Variants in SLCO1A2 observed in about 807,000 individuals in gnomAD.
SLCO1A2 encodes the protein solute carrier organic anion transporter family member 1A2.
Under a neutral mutation model 69.0 loss-of-function variants are expected in SLCO1A2, and 67 were observed. The ratio of observed to expected loss-of-function variants is 0.97; its 90% confidence interval spans 0.80 to 1.19. The LOEUF is 1.19. Ranked by LOEUF, SLCO1A2 falls within the 50% of genes most tolerant of loss-of-function variation. The pLI, the probability that SLCO1A2 is intolerant of heterozygous loss-of-function variation, is 0.00. For missense variants in SLCO1A2, 787 were observed against 793.7 expected, an observed-to-expected ratio of 0.99 and a Z score of 0.10; for synonymous variants, 260 against 265.9, an observed-to-expected ratio of 0.98 and a Z score of 0.22.
chr12:21,410,254 G>A (rs995133808), intron 1 of SLCO1A2, among the ~76,000 whole-genome samples: 2 of 151,952 alleles, frequency 1.3e-5, no homozygotes, highest in East Asian at 3.9e-4. Context: ...ATATAGTTTT[G>A]CAATTGCATT....
chr12:21,374,792 CT>C (rs1180151557), intron 1 of SLCO1A2, among the ~76,000 whole-genome samples: 2 of 151,498 alleles, frequency 1.3e-5, no homozygotes, highest in African/African-American at 2.4e-5. Flanking sequence ...TTTACCCTCT[CT>C]TTTTTTTATT....
At chr12:21,310,672 G>A (rs1001578726) in intron 4 of SLCO1A2, among the ~76,000 whole-genome samples, 7 of 152,126 alleles carry the variant, frequency 4.6e-5, no homozygotes, top group Non-Finnish European at 5.9e-5. Context: ...GCACGATCTC[G>A]GCGCACTGCA....
chr12:21,343,009 G>A (rs917434164), intron 2 of SLCO1A2, among the ~76,000 whole-genome samples: 1 of 152,104 alleles, frequency 6.6e-6, no homozygotes, highest in Non-Finnish European at 1.5e-5. Flanking sequence ...ATCCAGGTGG[G>A]TATGTCCTGT....
intron 9 of SLCO1A2, among the ~76,000 whole-genome samples, chr12:21,296,073 G>T (rs917604798): frequency 6.6e-6 from 1 of 152,120 alleles, no homozygotes; most frequent in Non-Finnish European, 1.5e-5. Context: ...CAGAGATCAT[G>T]ATAAAAATCT....
At chr12:21,388,367 C>T (rs1443783456) in intron 1 of SLCO1A2, among the ~76,000 whole-genome samples, 1 of 152,098 alleles carries the variant, frequency 6.6e-6, no homozygotes, top group African/African-American at 2.4e-5. Flanking sequence ...CCCCATGTGT[C>T]ATGGAAGGGA....
chr12:21,284,503 A>G (rs963175138), intron 12 of SLCO1A2, among the ~76,000 whole-genome samples: 4 of 151,866 alleles, frequency 2.6e-5, no homozygotes, highest in Admixed American at 6.6e-5. Context: ...GCACCAAGCG[A>G]ACCTAATAGA....
upstream of SLCO1A2, among the ~76,000 whole-genome samples, chr12:21,395,660 A>C (rs1372394778): frequency 3.9e-5 from 6 of 152,302 alleles, no homozygotes; most frequent in African/African-American, 1.2e-4. Context: ...GTCTCCCAGC[A>C]CGCAGCTGGA....
intron 2 of SLCO1A2, among the ~76,000 whole-genome samples, chr12:21,331,371 G>A (rs555613682): frequency 6.6e-5 from 10 of 152,092 alleles, no homozygotes; most frequent in South Asian, 4.1e-4. Flanking sequence ...GAAACCAAGC[G>A]CATAATTTGT....
At chr12:21,285,721 T>C (rs1472781355) in intron 12 of SLCO1A2, among the ~76,000 whole-genome samples, 3 of 148,218 alleles carry the variant, frequency 2.0e-5, no homozygotes, top group African/African-American at 7.5e-5. Flanking sequence ...AATCAATAAA[T>C]GTAATCCAGC....
At chr12:21,368,576 T>C (rs1939560005) in intron 2 of SLCO1A2, among the ~76,000 whole-genome samples, 1 of 152,148 alleles carries the variant, frequency 6.6e-6, no homozygotes. Context: ...TTCAGAGCTA[T>C]GTTCTATAAA....
chr12:21,373,716 C>CG (rs769824646), intron 2 of SLCO1A2: 2 of 700,866 alleles, frequency 2.9e-6, no homozygotes, highest in South Asian at 3.0e-5. Context: ...GAACATGAAG[C>CG]GGGAAAAAAA....
chr12:21,400,962 G>A (rs899643038), intron 1 of SLCO1A2, among the ~76,000 whole-genome samples: 27 of 149,880 alleles, frequency 1.8e-4, no homozygotes, highest in African/African-American at 6.6e-4. Flanking sequence ...CACCAGCATG[G>A]CACATGTATA....
Position 21,304,487 on chromosome 12 carries a change from G to T in SLCO1A2, c.529C>A (p.Pro177Thr). Residue 177 changes from proline to threonine, a missense_variant, in exon 6 of 15, where the codon CCT becomes ACT. By Grantham distance (38) the Pro-to-Thr change is conservative. Transcript: ENST00000683939. ...TCTTCTATATAGGAAATACCCAAAG[G>T]CAGGATGGGAGTTTCACCCATTCCA... ...VRGMGETPIL[P>T]LGISYIEDFA... The T allele has an allele frequency of 6.2e-7, 1 of 1,611,958 alleles. No individual in the cohort carries two copies. The highest frequency in any genetic ancestry group is 8.5e-7 in the Non-Finnish European group (1 of 1,178,232).
At chr12:21,283,289 T>C (rs374183738) in intron 12 of SLCO1A2, among the ~76,000 whole-genome samples, 1 of 152,162 alleles carries the variant, frequency 6.6e-6, no homozygotes, top group Admixed American at 6.6e-5. Flanking sequence ...AACTCATTTT[T>C]GACAAAGATG....
chr12:21,309,004 A>T (rs1470526421), intron 4 of SLCO1A2, among the ~76,000 whole-genome samples: 1 of 152,226 alleles, frequency 6.6e-6, no homozygotes, highest in Non-Finnish European at 1.5e-5. Context: ...CAAAATTTAG[A>T]TGGGAAGAGA....
chr12:21,336,054 T>C (rs1269159935), upstream of SLCO1A2, among the ~76,000 whole-genome samples: 1 of 152,052 alleles, frequency 6.6e-6, no homozygotes, highest in Non-Finnish European at 1.5e-5. Flanking sequence ...TTGCTTGGTA[T>C]GTAAGTGGTG....
intron 12 of SLCO1A2, among the ~76,000 whole-genome samples, chr12:21,287,902 C>A: frequency 8.1e-6 from 1 of 123,250 alleles, no homozygotes; most frequent in Non-Finnish European, 1.7e-5. Flanking sequence ...GGGAGATATA[C>A]CTAATGCTAG....
At chr12:21,378,567 T>C (rs767477594) in intron 1 of SLCO1A2, 4 of 685,654 alleles carry the variant, frequency 5.8e-6, no homozygotes, top group Non-Finnish European at 1.0e-5. Flanking sequence ...TCTCAAAAGA[T>C]TGTTTTATAT....
At chr12:21,418,757 T>C (rs1368716180), upstream of SLCO1A2, among the ~76,000 whole-genome samples, 9 of 152,116 alleles carry the variant, frequency 5.9e-5, no homozygotes, top group African/African-American at 2.2e-4. Context: ...AGCCAAACCA[T>C]ATCAGTCATG....
Sources: gnomAD v4.1 joint callset for allele counts (sites outside exome capture counted in the v4.1 genomes callset) on GRCh38, gnomAD v4.1.1 for gene constraint, MANE v1.5 for transcripts, NCBI Gene and HGNC (gene_info 2026-07-23, HGNC 2026-07-21) for gene names.